The following DAB1 variants were observed in gnomAD, a reference collection of about 807,000 sequenced individuals.
DAB1 encodes the protein disabled homolog 1.
A neutral mutation model predicts 64.6 loss-of-function variants in DAB1; 15 were observed. That is an observed-to-expected ratio of 0.23 (90% confidence interval 0.16 to 0.36). The LOEUF is 0.36. Among genes scored for constraint, DAB1 ranks in the 10% least tolerant of loss-of-function variants. The pLI, the probability that DAB1 is intolerant of heterozygous loss-of-function variation, is 1.00. For synonymous variants in DAB1, 235 were observed against 251.9 expected, an observed-to-expected ratio of 0.93 and a Z score of 0.64; for missense variants, 596 against 706.7, an observed-to-expected ratio of 0.84 and a Z score of 1.78.
chr1:57,380,081 C>T (rs569697126), intron 1 of DAB1, among the ~76,000 whole-genome samples: 2 of 152,208 alleles, frequency 1.3e-5, no homozygotes, highest in Non-Finnish European at 2.9e-5. Flanking sequence ...AAAGTTTTAA[C>T]AGTCACCAAA....
rs143936934 is a variant in DAB1 at position 57,774,264 on chromosome 1, C to A, written n.551+109735G>T. ...TAAGAAATTATTATACTGCTTCTTG[C>A]CAGTATATGAAAATATAATTGTTTT... is the stretch of plus-strand genomic sequence containing the variant. On this transcript the variant is annotated intron_variant and non_coding_transcript_variant, in intron 6 of 20. Coordinates refer to the DAB1 transcript ENST00000485760. Among the ~76,000 whole-genome samples the A allele has an allele frequency of 3.3e-3, 505 of 151,730 alleles. 1 individual carries two copies. The highest frequency in any genetic ancestry group is 0.011 in the African/African-American group (473 of 41,474).
At chr1:57,345,954 T>C (rs563064425) in intron 1 of DAB1, among the ~76,000 whole-genome samples, 5 of 152,310 alleles carry the variant, frequency 3.3e-5, no homozygotes, top group Admixed American at 3.3e-4. Flanking sequence ...GCATCAGGAA[T>C]TAGTAGGCAG....
chr1:57,018,041 G>A (rs542783129), intron 11 of DAB1, among the ~76,000 whole-genome samples: 70 of 152,228 alleles, frequency 4.6e-4, no homozygotes, highest in Admixed American at 3.3e-4. Context: ...AGACCAATGC[G>A]TACGACAAAG....
At chr1:58,034,415 A>C (rs924224972) in intron 5 of DAB1, among the ~76,000 whole-genome samples, 6 of 152,230 alleles carry the variant, frequency 3.9e-5, no homozygotes, top group African/African-American at 1.4e-4. Context: ...CCTGAGCCAG[A>C]GGCTCCAGGT....
intron 4 of DAB1, among the ~76,000 whole-genome samples, chr1:58,192,612 T>C (rs1377256399): frequency 6.6e-6 from 1 of 152,202 alleles, no homozygotes; most frequent in Non-Finnish European, 1.5e-5. Context: ...GTTTTGTGGC[T>C]GAATAGTATT....
chr1:57,168,430 C>T (rs1280211938), intron 2 of DAB1, among the ~76,000 whole-genome samples: 1 of 152,192 alleles, frequency 6.6e-6, no homozygotes, highest in Non-Finnish European at 1.5e-5. Flanking sequence ...TTTTCCCCTG[C>T]AAATGCTTTT....
chr1:58,269,249 G>A (rs1456900751), intron 4 of DAB1, among the ~76,000 whole-genome samples: 5 of 150,232 alleles, frequency 3.3e-5, no homozygotes, highest in Non-Finnish European at 5.9e-5. Flanking sequence ...CCACCTATGA[G>A]TGAGAATATG....
chr1:57,735,752 T>C (rs1287417604), intron 6 of DAB1, among the ~76,000 whole-genome samples: 1 of 152,056 alleles, frequency 6.6e-6, no homozygotes, highest in East Asian at 1.9e-4. Flanking sequence ...CACTTCTAGA[T>C]TCATTTTTTG....
chr1:57,527,538 G>A (rs1644607507), intron 7 of DAB1, among the ~76,000 whole-genome samples: 1 of 152,058 alleles, frequency 6.6e-6, no homozygotes, highest in Non-Finnish European at 1.5e-5. Context: ...AGGTCATTAG[G>A]TTAATACTCT....
At chr1:57,487,085 G>T (rs1242232288) in intron 7 of DAB1, among the ~76,000 whole-genome samples, 1 of 152,132 alleles carries the variant, frequency 6.6e-6, no homozygotes, top group Non-Finnish European at 1.5e-5. Flanking sequence ...TCCTGGGCAG[G>T]GACACAGAAG....
chr1:57,754,961 T>A (rs761768289), intron 6 of DAB1, among the ~76,000 whole-genome samples: 5 of 152,104 alleles, frequency 3.3e-5, no homozygotes, highest in Non-Finnish European at 7.4e-5. Flanking sequence ...AGACAAGTTT[T>A]CCAAAACTCA....
At chr1:58,391,445 C>A (rs1204117081) in intron 3 of DAB1, among the ~76,000 whole-genome samples, 2 of 152,180 alleles carry the variant, frequency 1.3e-5, no homozygotes, top group Non-Finnish European at 2.9e-5. Context: ...CAAAAGCAAC[C>A]GCAGAGAGGA....
intron 2 of DAB1, among the ~76,000 whole-genome samples, chr1:57,193,498 T>A (rs1664346282): frequency 6.8e-6 from 1 of 146,030 alleles, no homozygotes; most frequent in African/African-American, 2.5e-5. Flanking sequence ...GCCATTCTCC[T>A]GCCTCAGCCT....
intron 4 of DAB1, among the ~76,000 whole-genome samples, chr1:58,312,980 C>CA (rs1662464254): frequency 6.6e-6 from 1 of 152,234 alleles, no homozygotes; most frequent in Admixed American, 6.5e-5. Flanking sequence ...ACAGGAAGTG[C>CA]AATGTTAAAT....
At chr1:58,119,220 G>T (rs1652583325) in intron 5 of DAB1, among the ~76,000 whole-genome samples, 1 of 76,822 alleles carries the variant, frequency 1.3e-5, no homozygotes, top group South Asian at 5.6e-4. Flanking sequence ...TATTGTGTGT[G>T]TGTGCGTGTG....
chr1:57,051,921 G>T (rs1236224595), intron 9 of DAB1, among the ~76,000 whole-genome samples: 1 of 152,140 alleles, frequency 6.6e-6, no homozygotes, highest in Non-Finnish European at 1.5e-5. Context: ...CTAAGCTAAG[G>T]GTGAGGAGAT....
intron 2 of DAB1, among the ~76,000 whole-genome samples, chr1:58,520,006 C>A (rs560095373): frequency 6.6e-6 from 1 of 152,024 alleles, no homozygotes. Context: ...AAGTGATTAG[C>A]CTATTGCATG....
At chr1:57,976,192 A>G (rs1369212856) in intron 5 of DAB1, among the ~76,000 whole-genome samples, 1 of 152,040 alleles carries the variant, frequency 6.6e-6, no homozygotes, top group Non-Finnish European at 1.5e-5. Flanking sequence ...CCTGGATTGC[A>G]CTCTGAAAGT....
intron 3 of DAB1, among the ~76,000 whole-genome samples, chr1:58,423,537 G>A (rs1055949696): frequency 3.9e-5 from 6 of 152,164 alleles, no homozygotes; most frequent in Admixed American, 1.3e-4. Context: ...CCATGAGGCC[G>A]ACCTCCAAGC....
Sources: gnomAD v4.1 joint callset for allele counts (sites outside exome capture counted in the v4.1 genomes callset) on GRCh38, gnomAD v4.1.1 for gene constraint, MANE v1.5 for transcripts, NCBI Gene and HGNC (gene_info 2026-07-23, HGNC 2026-07-21) for gene names.